LPIN1: variants seen among roughly 807,000 people sequenced by gnomAD.
The protein encoded by LPIN1 is phosphatidate phosphatase LPIN1.
Under a neutral mutation model 107.5 loss-of-function variants are expected in LPIN1, and 71 were observed. The observed-to-expected ratio is 0.66, with a 90% CI of 0.55 to 0.80. The LOEUF (loss-of-function observed/expected upper bound fraction) is 0.80, where lower values mean the gene tolerates loss of function less well. Among genes scored for constraint, LPIN1 ranks in the 30% least tolerant of loss-of-function variants. The pLI is 0.00. For missense variants in LPIN1, 1,043 were observed against 1,160.6 expected (o/e 0.90, Z 1.47); for synonymous variants, 445 against 452.6 (o/e 0.98, Z 0.21).
At chr2:11,751,612 G>A (rs981288665) in intron 1 of LPIN1, among the ~76,000 whole-genome samples, 2 of 152,130 alleles carry the variant, frequency 1.3e-5, no homozygotes, top group East Asian at 1.9e-4. Context: ...CAGCACTTTC[G>A]GAGGCCGAGA....
At chr2:11,775,215 A>C (rs1163285191) in intron 5 of LPIN1, among the ~76,000 whole-genome samples, 2 of 152,222 alleles carry the variant, frequency 1.3e-5, no homozygotes, top group East Asian at 3.8e-4. Context: ...TATATTGGAC[A>C]GTGCAGATAT....
At chr2:11,822,441 C>A (rs1193628874) in intron 20 of LPIN1, among the ~76,000 whole-genome samples, 1 of 150,048 alleles carries the variant, frequency 6.7e-6, no homozygotes, top group Admixed American at 6.6e-5. Flanking sequence ...CAGAGTGAGA[C>A]TCCATCTAAA....
intron 14 of LPIN1, among the ~76,000 whole-genome samples, chr2:11,801,566 G>A (rs1677736175): frequency 1.3e-5 from 2 of 152,162 alleles, no homozygotes; most frequent in African/African-American, 4.8e-5. Context: ...TTTCATGGAG[G>A]TAGAGAGTAG....
rs188539090 is a variant in LPIN1 at position 11,708,830 on chromosome 2, G to T, written c.82-4926G>T. The stretch of plus-strand genomic sequence containing the variant: ...AGGGAAGGTGATGATGATGATGTTG[G>T]TGATGATGATGACAATGATGATGAT... On this transcript the variant is annotated intron_variant, in intron 1 of 21. Transcript: ENST00000449576. Among the ~76,000 whole-genome samples, 4 of 152,246 alleles carry T rather than the reference G, an allele frequency of 2.6e-5. 1 individual carries two copies. In the East Asian group the frequency reaches 7.7e-4, roughly 29 times the overall value.
intron 2 of LPIN1, among the ~76,000 whole-genome samples, chr2:11,715,637 A>C (rs1031160899): frequency 5.9e-5 from 9 of 152,112 alleles, no homozygotes; most frequent in Admixed American, 1.3e-4. Context: ...TAGGGCTTGT[A>C]TCAGCTTGTG....
At chr2:11,781,379 A>G (rs183095990) in intron 7 of LPIN1, among the ~76,000 whole-genome samples, 6 of 152,350 alleles carry the variant, frequency 3.9e-5, no homozygotes, top group Admixed American at 2.6e-4. Context: ...TTCTGGCAAA[A>G]TAGTTGTAAC....
At chr2:11,802,109 C>T (rs1677855198) in intron 14 of LPIN1, among the ~76,000 whole-genome samples, 1 of 152,038 alleles carries the variant, frequency 6.6e-6, no homozygotes. Context: ...CTAAGTGATT[C>T]ATATAGCATT....
chr2:11,778,562 C>T (rs950637299), intron 6 of LPIN1, among the ~76,000 whole-genome samples: 2 of 152,068 alleles, frequency 1.3e-5, no homozygotes, highest in African/African-American at 4.8e-5. Context: ...CATCAGTTTC[C>T]GAAGAATAGA....
At position 11,767,830 on chromosome 2, in the gene LPIN1, T is replaced by A. The variant is rs2148625497; in HGVS notation, c.260T>A (p.Phe87Tyr). 6.2e-7 allele frequency: 1 copy of A among 1,612,644 alleles called. No individual in the cohort carries two copies. Among genetic ancestry groups the A allele is most frequent in the East Asian group, 2.2e-5 (1 of 44,886 alleles). Residue 87 changes from phenylalanine (F) to tyrosine (Y), a missense_variant, in exon 3 of 21, where the codon TTT becomes TAT. Transcript: ENST00000674199. ...HMKLGDNGEA[F>Y]FVQETDNDQE... ...AAATTGGGAGATAATGGAGAAGCAT[T>A]TTTTGTTCAAGAAACAGATAATGAT... is the stretch of plus-strand genomic sequence containing the variant.
intron 14 of LPIN1, among the ~76,000 whole-genome samples, chr2:11,800,949 G>A (rs990060815): frequency 9.2e-5 from 14 of 152,056 alleles, no homozygotes; most frequent in Middle Eastern, 3.2e-3. Context: ...TTGTCTCTTC[G>A]CTCTGTTGAT....
chr2:11,679,245 C>A (rs1267113949), intron 1 of LPIN1, among the ~76,000 whole-genome samples: 1 of 152,156 alleles, frequency 6.6e-6, no homozygotes, highest in Non-Finnish European at 1.5e-5. Flanking sequence ...TTGCACAGCA[C>A]CTTGGGAGGG....
chr2:11,720,704 C>T (rs1664067511), upstream of LPIN1, among the ~76,000 whole-genome samples: 2 of 152,026 alleles, frequency 1.3e-5, no homozygotes, highest in Admixed American at 1.3e-4. Context: ...AATGGTGGAG[C>T]CAGGTCAGCA....
chr2:11,739,542 G>T (rs1666126544), intron 1 of LPIN1, among the ~76,000 whole-genome samples: 1 of 152,240 alleles, frequency 6.6e-6, no homozygotes, highest in Non-Finnish European at 1.5e-5. Context: ...TGACAAATTA[G>T]TCCTAAAACA....
rs1678292863 is a variant in LPIN1 at position 11,804,439 on chromosome 2, A to T, written c.2030A>T (p.Lys677Met). ...TSEQLKSLKL[K>M]NGPNDVVFSV... ...GTTTTTCAGAAAAGCTTGAAGTTGA[A>T]GAATGGCCCCAACGACGTGGTTTTC... The change falls in exon 16 of 21, where the codon AAG (lysine) becomes ATG (methionine). Residue 677 changes from lysine (K) to methionine (M), a missense_variant. Physicochemically the swap from Lys to Met is moderately conservative, Grantham distance 95. Transcript: ENST00000674199. The T allele has an allele frequency of 6.2e-7, 1 of 1,614,128 alleles. No individual in the cohort carries two copies. Among genetic ancestry groups the T allele is most frequent in the Admixed American group, 1.7e-5 (1 of 60,008 alleles).
rs141248496 is a variant in LPIN1 at position 11,747,921 on chromosome 2, A to G, written c.-10+1250A>G. 1.2e-4 allele frequency among the ~76,000 whole-genome samples: 18 copies of G among 152,324 alleles called. No individual in the cohort carries two copies. The East Asian group carries it at 3.5e-3, about 29-fold the overall frequency. ...TGGTCCTGTGGAGCCAGGCCTGGAT[A>G]TAGCCCTGGACTCGGGTCGGGAGGT... is the stretch of plus-strand genomic sequence containing the variant. On this transcript the variant is annotated intron_variant, in intron 1 of 20. Coordinates refer to ENST00000674199, the MANE Select transcript of LPIN1 (RefSeq NM_001349206.2).
At chr2:11,802,301 G>A (rs1677890875) in intron 14 of LPIN1, among the ~76,000 whole-genome samples, 1 of 152,162 alleles carries the variant, frequency 6.6e-6, no homozygotes, top group Non-Finnish European at 1.5e-5. Flanking sequence ...AAACAAAAAA[G>A]TCTAGAAGAG....
intron 18 of LPIN1, chr2:11,816,227 A>C (rs1197318823): frequency 6.6e-6 from 1 of 152,208 alleles, no homozygotes; most frequent in African/African-American, 2.4e-5. Context: ...TCCTGTAGTA[A>C]AAGATGTCAA....
intron 1 of LPIN1, among the ~76,000 whole-genome samples, chr2:11,738,152 G>A (rs1369257987): frequency 2.0e-5 from 3 of 151,796 alleles, no homozygotes; most frequent in South Asian, 4.2e-4. Flanking sequence ...ACCAAACACC[G>A]CATGTTCTCA....
At chr2:11,799,131 G>A (rs1329559877) in intron 14 of LPIN1, among the ~76,000 whole-genome samples, 4 of 152,154 alleles carry the variant, frequency 2.6e-5, no homozygotes, top group Non-Finnish European at 4.4e-5. Context: ...GCAAATGACC[G>A]TGTACTTGCC....
Sources: gnomAD v4.1 joint callset for allele counts (sites outside exome capture counted in the v4.1 genomes callset) on GRCh38, gnomAD v4.1.1 for gene constraint, MANE v1.5 for transcripts, NCBI Gene and HGNC (gene_info 2026-07-23, HGNC 2026-07-21) for gene names.